PTPRD: variants seen among roughly 807,000 people sequenced by gnomAD.
PTPRD encodes the protein receptor-type tyrosine-protein phosphatase delta.
PTPRD carries 34 observed loss-of-function variants against 214.5 expected under a neutral mutation model. The ratio of observed to expected loss-of-function variants is 0.16; its 90% CI spans 0.12 to 0.21. PTPRD has a LOEUF of 0.21. Ranked by LOEUF, PTPRD falls within the 10% of genes least tolerant of loss-of-function variation. The pLI is 1.00. For synonymous variants in PTPRD, 1,128 were observed against 845.7 expected (o/e 1.33, Z -5.79); for missense variants, 2,545 against 2,398.7 (o/e 1.06, Z -1.27).
intron 11 of PTPRD, among the ~76,000 whole-genome samples, chr9:8,805,416 T>C (rs928038017): frequency 7.9e-5 from 12 of 151,934 alleles, no homozygotes; most frequent in African/African-American, 2.9e-4. Flanking sequence ...GAAATGAAAA[T>C]ATTATGCACA....
At chr9:8,342,592 G>A (rs7044926) in intron 39 of PTPRD, among the ~76,000 whole-genome samples, 11,490 of 152,050 alleles carry the variant, frequency 0.076, 1,448 homozygotes, top group African/African-American at 0.26. Context: ...TATAATAGGT[G>A]TATATTACCA....
chr9:10,034,847 A>G (rs1015785380), intron 3 of PTPRD, among the ~76,000 whole-genome samples: 9 of 152,142 alleles, frequency 5.9e-5, no homozygotes, highest in Non-Finnish European at 7.4e-5. Context: ...ATTTAGGTTG[A>G]TTACACGTTT....
At chr9:9,989,016 C>CAAAAAAA (rs397836899) in intron 4 of PTPRD, among the ~76,000 whole-genome samples, 705 of 36,250 alleles carry the variant, frequency 0.019, 116 homozygotes, top group African/African-American at 0.027. Context: ...TTTCACTGAC[C>CAAAAAAA]AAAAAAAAAA....
At chr9:9,248,277 A>G (rs1428861499) in intron 9 of PTPRD, among the ~76,000 whole-genome samples, 2 of 151,890 alleles carry the variant, frequency 1.3e-5, no homozygotes, top group South Asian at 2.1e-4. Flanking sequence ...ATTTTTTAGT[A>G]GAGATGGGGT....
chr9:10,171,429 C>T (rs2099205044), intron 3 of PTPRD, among the ~76,000 whole-genome samples: 2 of 152,282 alleles, frequency 1.3e-5, no homozygotes, highest in Middle Eastern at 3.4e-3. Flanking sequence ...AAGTTCCTTT[C>T]ACCTTCTGAC....
chr9:9,931,687 C>T (rs1371674953), intron 5 of PTPRD, among the ~76,000 whole-genome samples: 3 of 151,348 alleles, frequency 2.0e-5, no homozygotes, highest in African/African-American at 7.3e-5. Flanking sequence ...CTTAGGTAAA[C>T]AAAGCAGCTG....
rs187029821 is a variant in PTPRD at position 9,515,383 on chromosome 9, G to A, written c.-237+59349C>T. On this transcript the variant is annotated intron_variant, in intron 8 of 45. Coordinates refer to ENST00000381196, the MANE Select transcript of PTPRD (RefSeq NM_002839.4). ...ACCTCAATTTGATTTTAATCTTAAGGGGGCACTATTCCCAATGCAGAGAAT... is the reference window on the plus strand; with the variant it reads ...ACCTCAATTTGATTTTAATCTTAAGAGGGCACTATTCCCAATGCAGAGAAT... 1.6e-3 allele frequency among the ~76,000 whole-genome samples: 249 copies of A among 152,018 alleles called. 1 individual carries two copies. Among genetic ancestry groups the A allele is most frequent in the African/African-American group, 5.8e-3 (241 of 41,462 alleles).
At chr9:9,006,745 G>C (rs1268960248) in intron 11 of PTPRD, among the ~76,000 whole-genome samples, 4 of 151,930 alleles carry the variant, frequency 2.6e-5, no homozygotes, top group East Asian at 1.9e-4. Flanking sequence ...AGAAATCTAA[G>C]ATAAAGATTA....
chr9:9,785,631 G>C (rs1041467642), intron 5 of PTPRD, among the ~76,000 whole-genome samples: 4 of 152,052 alleles, frequency 2.6e-5, no homozygotes, highest in African/African-American at 9.7e-5. Flanking sequence ...AGAAACTAAG[G>C]AAATGGAGCA....
At chr9:10,224,578 T>A (rs1442903048) in intron 3 of PTPRD, among the ~76,000 whole-genome samples, 2 of 152,108 alleles carry the variant, frequency 1.3e-5, no homozygotes, top group East Asian at 3.9e-4. Flanking sequence ...CCTTTTGTGA[T>A]ATTTTAAAAT....
intron 11 of PTPRD, among the ~76,000 whole-genome samples, chr9:8,735,507 T>C (rs946804996): frequency 6.6e-6 from 1 of 152,210 alleles, no homozygotes; most frequent in African/African-American, 2.4e-5. Flanking sequence ...TTCTACATGT[T>C]CCTGGGTGAT....
intron 2 of PTPRD, among the ~76,000 whole-genome samples, chr9:10,344,273 T>C (rs2097017956): frequency 6.6e-6 from 1 of 152,116 alleles, no homozygotes; most frequent in Admixed American, 6.5e-5. Flanking sequence ...CAGCACCATT[T>C]ATTGAATAGA....
chr9:9,598,772 A>G (rs2093552877), intron 7 of PTPRD, among the ~76,000 whole-genome samples: 2 of 151,892 alleles, frequency 1.3e-5, no homozygotes, highest in South Asian at 4.1e-4. Context: ...TAATTAATCA[A>G]TCTCTATCAC....
At chr9:8,351,429 A>T (rs921784798) in intron 39 of PTPRD, among the ~76,000 whole-genome samples, 1 of 151,972 alleles carries the variant, frequency 6.6e-6, no homozygotes, top group African/African-American at 2.4e-5. Context: ...CAAGGATAAC[A>T]TAATAATCTA....
chr9:9,572,726 CTAG>C (rs1383000257), intron 8 of PTPRD, among the ~76,000 whole-genome samples: 1 of 149,072 alleles, frequency 6.7e-6, no homozygotes, highest in African/African-American at 2.5e-5. Flanking sequence ...GACAAATAAT[CTAG>C]TAAGAAAAAA....
In PTPRD at chr9:9,056,111, T is replaced by C. The variant is rs1590702182; in HGVS notation, c.-142-37376A>G. Among the ~76,000 whole-genome samples the C allele has an allele frequency of 2.0e-5, 3 of 152,166 alleles. No individual in the cohort carries two copies. In the East Asian group the frequency reaches 5.8e-4, roughly 29 times the overall value. On this transcript the variant is annotated intron_variant, in intron 10 of 45. Coordinates refer to ENST00000381196, the MANE Select transcript of PTPRD (RefSeq NM_002839.4). ...ACATTATTGTTGTTTTCTAGACTAT[T>C]AGTTGTTTTCTAGACTTCTAGACCT...
intron 11 of PTPRD, among the ~76,000 whole-genome samples, chr9:8,740,856 G>A (rs1004237137): frequency 6.6e-6 from 1 of 152,062 alleles, no homozygotes; most frequent in Non-Finnish European, 1.5e-5. Context: ...GACCCCAGGG[G>A]ACTATAAGCA....
chr9:8,460,371 C>G (rs745531181), intron 33 of PTPRD, 40 bp downstream of exon 33: 1 of 1,605,836 alleles, frequency 6.2e-7, no homozygotes. Context: ...AAAAATAAGG[C>G]AGCCTCCAAA....
chr9:9,702,003 C>T (rs1452262297), intron 7 of PTPRD, among the ~76,000 whole-genome samples: 1 of 151,954 alleles, frequency 6.6e-6, no homozygotes, highest in African/African-American at 2.4e-5. Context: ...CCTGTATTCC[C>T]CACTACTAGG....
Sources: allele counts gnomAD v4.1 joint callset (sites outside exome capture counted in the v4.1 genomes callset), GRCh38; gene constraint gnomAD v4.1.1; transcripts MANE v1.5; gene names NCBI Gene and HGNC (gene_info 2026-07-23, HGNC 2026-07-21).